Variants in NRG3 observed in about 807,000 individuals in gnomAD.
NRG3 encodes the protein pro-neuregulin-3, membrane-bound isoform.
A neutral mutation model predicts 66.9 loss-of-function variants in NRG3; 31 were observed. The observed-to-expected ratio is 0.46, with a 90% CI of 0.35 to 0.63. The LOEUF is 0.63. Ranked by LOEUF, NRG3 falls within the 20% of genes least tolerant of loss-of-function variation. The pLI, the probability that NRG3 is intolerant of heterozygous loss-of-function variation, is 0.00. For missense variants in NRG3, 910 were observed against 878.9 expected (o/e 1.04, Z -0.45); for synonymous variants, 393 against 359.4 (o/e 1.09, Z -1.06).
chr10:82,300,545 C>T (rs1210232355), intron 1 of NRG3, among the ~76,000 whole-genome samples: 2 of 151,974 alleles, frequency 1.3e-5, no homozygotes, highest in East Asian at 1.9e-4. Flanking sequence ...TGAATTGGTT[C>T]GAGGCATAGC....
intron 3 of NRG3, among the ~76,000 whole-genome samples, chr10:82,780,568 G>A (rs2060083990): frequency 6.8e-6 from 1 of 146,452 alleles, no homozygotes; most frequent in African/African-American, 2.5e-5. Flanking sequence ...GTACATTTTG[G>A]CTGGTATGTT....
chr10:82,455,898 G>C (rs182444095), intron 2 of NRG3, among the ~76,000 whole-genome samples: 1 of 151,984 alleles, frequency 6.6e-6, no homozygotes, highest in Non-Finnish European at 1.5e-5. Flanking sequence ...GAGTACAGGC[G>C]TGAGCCACGG....
intron 4 of NRG3, among the ~76,000 whole-genome samples, chr10:82,916,751 G>GT: frequency 6.6e-6 from 1 of 152,172 alleles, no homozygotes; most frequent in Non-Finnish European, 1.5e-5. Context: ...CAGTACCTAG[G>GT]TCTATAGGCG....
chr10:82,250,695 A>G (rs1376082420), intron 1 of NRG3, among the ~76,000 whole-genome samples: 3 of 152,184 alleles, frequency 2.0e-5, no homozygotes, highest in African/African-American at 7.2e-5. Flanking sequence ...TACCATTTTA[A>G]AAGACCCTGC....
chr10:81,891,103 T>C (rs1186331341), intron 1 of NRG3, among the ~76,000 whole-genome samples: 1 of 152,222 alleles, frequency 6.6e-6, no homozygotes, highest in Non-Finnish European at 1.5e-5. Flanking sequence ...AAGTCCACTT[T>C]AATCTTCAAT....
intron 1 of NRG3, among the ~76,000 whole-genome samples, chr10:82,209,705 T>C (rs774100991): frequency 1.3e-5 from 2 of 152,176 alleles, no homozygotes; most frequent in Non-Finnish European, 2.9e-5. Flanking sequence ...TCAAGTAGGA[T>C]GCTTAGGAAT....
At chr10:82,393,994 C>T (rs1320311874) in intron 2 of NRG3, among the ~76,000 whole-genome samples, 1 of 152,120 alleles carries the variant, frequency 6.6e-6, no homozygotes, top group Non-Finnish European at 1.5e-5. Flanking sequence ...TGTATAATTG[C>T]ACCTACACAC....
At chr10:81,891,223 GA>G (rs936161286) in intron 1 of NRG3, among the ~76,000 whole-genome samples, 3 of 152,168 alleles carry the variant, frequency 2.0e-5, no homozygotes, top group Admixed American at 2.0e-4. Flanking sequence ...TGCTTTTGAT[GA>G]AAAAGGTTTG....
intron 1 of NRG3, among the ~76,000 whole-genome samples, chr10:82,198,776 A>T (rs1257597187): frequency 6.6e-6 from 1 of 152,122 alleles, no homozygotes; most frequent in African/African-American, 2.4e-5. Flanking sequence ...GGGTGGGCAG[A>T]TCATGAGGTC....
intron 1 of NRG3, among the ~76,000 whole-genome samples, chr10:82,034,286 A>G (rs2132923855): frequency 6.6e-6 from 1 of 152,128 alleles, no homozygotes; most frequent in South Asian, 2.1e-4. Context: ...ATGTTTACAC[A>G]AAATTGTGCT....
At chr10:82,226,734 G>A (rs2076181350) in intron 1 of NRG3, among the ~76,000 whole-genome samples, 1 of 152,116 alleles carries the variant, frequency 6.6e-6, no homozygotes, top group Non-Finnish European at 1.5e-5. Flanking sequence ...TTTATAACTA[G>A]GAAACTGAGA....
chr10:82,500,152 G>T (rs1844028055), intron 2 of NRG3, among the ~76,000 whole-genome samples: 3 of 152,092 alleles, frequency 2.0e-5, no homozygotes, highest in African/African-American at 7.2e-5. Context: ...GATGTAGTAG[G>T]TCATCTCTGA....
chr10:82,535,223 A>G (rs542036841), intron 2 of NRG3, among the ~76,000 whole-genome samples: 1 of 149,954 alleles, frequency 6.7e-6, no homozygotes, highest in South Asian at 2.1e-4. Flanking sequence ...TCAAAGCATA[A>G]TCTAGTGAGG....
In NRG3 at chr10:82,536,878, T is replaced by A. The variant is rs888098025; in HGVS notation, c.953+178010T>A. Reference sequence around the variant, plus strand: ...TTATTAAATATTTTTATTATTAAATTGATTTTATTATTAAATTATTAGATG... The same window carrying A: ...TTATTAAATATTTTTATTATTAAATAGATTTTATTATTAAATTATTAGATG... On this transcript the variant is annotated intron_variant, in intron 2 of 8. Coordinates refer to ENST00000372141, the MANE Select transcript of NRG3 (RefSeq NM_001010848.4). Among the ~76,000 whole-genome samples the A allele has an allele frequency of 5.4e-4, 81 of 151,400 alleles. 1 individual carries two copies. The highest frequency in any genetic ancestry group is 2.7e-3 in the Admixed American group (41 of 15,228).
intron 3 of NRG3, among the ~76,000 whole-genome samples, chr10:82,845,929 T>G (rs1372509146): frequency 6.6e-6 from 1 of 152,126 alleles, no homozygotes; most frequent in Non-Finnish European, 1.5e-5. Context: ...AGATTAACCC[T>G]GGGAATTTAT....
chr10:82,141,699 T>A (rs1189138556), intron 1 of NRG3, among the ~76,000 whole-genome samples: 1 of 152,142 alleles, frequency 6.6e-6, no homozygotes, highest in Non-Finnish European at 1.5e-5. Context: ...CAAACCATCA[T>A]AAAATGCTGA....
chr10:82,506,881 T>C (rs886511291), intron 2 of NRG3, among the ~76,000 whole-genome samples: 3 of 152,224 alleles, frequency 2.0e-5, no homozygotes, highest in Non-Finnish European at 4.4e-5. Context: ...ATTTTCCTGA[T>C]TGTAGCTGTG....
At chr10:82,345,762 C>G (rs2082975918) in intron 1 of NRG3, among the ~76,000 whole-genome samples, 1 of 151,210 alleles carries the variant, frequency 6.6e-6, no homozygotes, top group African/African-American at 2.4e-5. Flanking sequence ...TGTAGTTATC[C>G]TTGAAGAGGT....
At chr10:82,644,294 A>ATC (rs1355962580) in intron 2 of NRG3, among the ~76,000 whole-genome samples, 1 of 152,042 alleles carries the variant, frequency 6.6e-6, no homozygotes, top group Non-Finnish European at 1.5e-5. Context: ...TTTCCTCTCT[A>ATC]TCTGCATAGG....
Sources: gnomAD v4.1 joint callset for allele counts (sites outside exome capture counted in the v4.1 genomes callset) on GRCh38, gnomAD v4.1.1 for gene constraint, MANE v1.5 for transcripts, NCBI Gene and HGNC (gene_info 2026-07-23, HGNC 2026-07-21) for gene names.